The following NKAIN3 variants were observed in gnomAD, a reference collection of about 807,000 sequenced individuals.
NKAIN3 encodes sodium/potassium-transporting ATPase subunit beta-1-interacting protein 3.
Under a neutral mutation model 30.2 loss-of-function variants are expected in NKAIN3, and 25 were observed. The ratio of observed to expected loss-of-function variants is 0.83; its 90% confidence interval spans 0.60 to 1.16. The LOEUF (loss-of-function observed/expected upper bound fraction) is 1.16, where lower values mean the gene tolerates loss of function less well. Ranked by LOEUF, NKAIN3 falls within the 50% of genes most tolerant of loss-of-function variation. The probability of loss-of-function intolerance (pLI) is 0.00; values close to 1 mark genes in which losing one functional copy is unlikely to be tolerated. For synonymous variants in NKAIN3, 91 were observed against 89.6 expected (o/e 1.02, Z -0.09); for missense variants, 225 against 254.1 (o/e 0.89, Z 0.78).
chr8:62,632,287 T>C (rs961907529), intron 3 of NKAIN3, among the ~76,000 whole-genome samples: 11 of 152,170 alleles, frequency 7.2e-5, no homozygotes, highest in Non-Finnish European at 1.3e-4. Flanking sequence ...AATTTTTGTG[T>C]CTTCAAAAAT....
intron 1 of NKAIN3, among the ~76,000 whole-genome samples, chr8:62,541,026 C>G (rs1808821309): frequency 6.6e-6 from 1 of 151,872 alleles, no homozygotes; most frequent in Non-Finnish European, 1.5e-5. Context: ...AAGTCCAGAG[C>G]CAACCAGGCT....
intron 6 of NKAIN3, among the ~76,000 whole-genome samples, chr8:62,964,537 A>AGAGAGT (rs1386858813): frequency 0.029 from 3,805 of 133,152 alleles, 70 homozygotes; most frequent in Admixed American, 0.042. Flanking sequence ...AGAGAGAGAG[A>AGAGAGT]GTGTGTGTGT....
In NKAIN3 at chr8:62,886,115, A is replaced by G. The variant is rs1027969042; in HGVS notation, c.472-32338A>G. On this transcript the variant is annotated intron_variant, in intron 4 of 6. Coordinates refer to ENST00000623646, the MANE Select transcript of NKAIN3 (RefSeq NM_001304533.3). ...TTGTGGTTTTAATTGAGCATTTTATATAAGTTTATTCTCCTTTCTTATCAG... is the reference window on the plus strand; with the variant it reads ...TTGTGGTTTTAATTGAGCATTTTATGTAAGTTTATTCTCCTTTCTTATCAG... Among the ~76,000 whole-genome samples, 16 of 151,554 alleles carry G rather than the reference A, an allele frequency of 1.1e-4. No homozygotes were observed. The East Asian group carries it at 2.3e-3, about 22-fold the overall frequency.
chr8:62,529,227 T>C (rs1808411641), intron 1 of NKAIN3, among the ~76,000 whole-genome samples: 1 of 152,212 alleles, frequency 6.6e-6, no homozygotes, highest in African/African-American at 2.4e-5. Flanking sequence ...TCTTGCAGGA[T>C]AACTTGACAT....
At chr8:62,774,069 C>T (rs1817104726) in intron 4 of NKAIN3, among the ~76,000 whole-genome samples, 2 of 152,080 alleles carry the variant, frequency 1.3e-5, no homozygotes, top group Admixed American at 6.6e-5. Context: ...TTTTCTGTGT[C>T]TTAAATTTTA....
chr8:62,451,061 A>T (rs1366417065), intron 1 of NKAIN3, among the ~76,000 whole-genome samples: 1 of 152,162 alleles, frequency 6.6e-6, no homozygotes, highest in Non-Finnish European at 1.5e-5. Flanking sequence ...GAATAGATCT[A>T]TAATTATCTT....
In NKAIN3 at chr8:62,967,979, T is replaced by C. The variant is rs1420345435; in HGVS notation, c.*2572T>C. On this transcript the variant is annotated 3_prime_UTR_variant, in exon 7 of 7. Transcript: ENST00000623646. ...ACCTTAGTGATTTGTCTATGAATAT[T>C]CAATGTAGGCAACTATTTAATATGG... Among the ~76,000 whole-genome samples, 2 of 152,230 alleles carry C rather than the reference T, an allele frequency of 1.3e-5. No homozygotes were observed. The highest frequency in any genetic ancestry group is 4.8e-5 in the African/African-American group (2 of 41,464).
At chr8:62,397,750 G>A (rs568786157) in intron 1 of NKAIN3, among the ~76,000 whole-genome samples, 5 of 152,228 alleles carry the variant, frequency 3.3e-5, no homozygotes, top group African/African-American at 1.2e-4. Context: ...TCGGCGCTAC[G>A]GCATCTGCCA....
At chr8:62,582,030 T>C (rs1810317071) in intron 2 of NKAIN3, among the ~76,000 whole-genome samples, 1 of 140,754 alleles carries the variant, frequency 7.1e-6, no homozygotes. Context: ...CCTTCCTCCC[T>C]CCCACCCATC....
At chr8:62,493,645 T>A (rs947100246) in intron 1 of NKAIN3, among the ~76,000 whole-genome samples, 1 of 152,340 alleles carries the variant, frequency 6.6e-6, no homozygotes, top group Middle Eastern at 3.4e-3. Flanking sequence ...TGATTCTTCC[T>A]ATCCATGAGC....
intron 1 of NKAIN3, among the ~76,000 whole-genome samples, chr8:62,557,664 T>C (rs967155257): frequency 1.2e-4 from 19 of 152,180 alleles, no homozygotes; most frequent in African/African-American, 3.4e-4. Flanking sequence ...ATTAGTGATG[T>C]TGAGCAGTTT....
At chr8:62,704,018 A>G (rs1048835074) in intron 3 of NKAIN3, among the ~76,000 whole-genome samples, 1 of 152,162 alleles carries the variant, frequency 6.6e-6, no homozygotes, top group Non-Finnish European at 1.5e-5. Flanking sequence ...TGGTTACTCC[A>G]TAGACTCTTT....
chr8:62,831,368 A>G (rs1416123218), intron 4 of NKAIN3, among the ~76,000 whole-genome samples: 1 of 152,222 alleles, frequency 6.6e-6, no homozygotes, highest in South Asian at 2.1e-4. Context: ...CTAGCTCTCC[A>G]GAAATCCTCC....
chr8:62,714,681 A>G (rs1814832647), intron 3 of NKAIN3, among the ~76,000 whole-genome samples: 1 of 152,210 alleles, frequency 6.6e-6, no homozygotes, highest in South Asian at 2.1e-4. Context: ...TAAGTGTTTC[A>G]TGTGTATTAT....
intron 6 of NKAIN3, among the ~76,000 whole-genome samples, chr8:62,959,062 G>A (rs1033521646): frequency 3.3e-5 from 5 of 152,178 alleles, no homozygotes; most frequent in Non-Finnish European, 5.9e-5. Context: ...ATCTTAACTT[G>A]TCTGATTGCC....
chr8:62,713,196 T>C (rs2130498437), intron 3 of NKAIN3, among the ~76,000 whole-genome samples: 1 of 152,158 alleles, frequency 6.6e-6, no homozygotes, highest in Non-Finnish European at 1.5e-5. Flanking sequence ...AGTGCAGGGC[T>C]GCCACCAGGG....
intron 1 of NKAIN3, among the ~76,000 whole-genome samples, chr8:62,567,459 A>G (rs1442083825): frequency 6.6e-6 from 1 of 152,202 alleles, no homozygotes; most frequent in Admixed American, 6.6e-5. Flanking sequence ...ATTTTACTTT[A>G]CATGGCAAAG....
rs1563507916 is a variant in NKAIN3, at chr8:62,667,342, ATTCTT to A, written c.273+77550_273+77554del. On this transcript the variant is annotated intron_variant, in intron 3 of 6. Transcript: ENST00000623646. ...ATATATATATATTCTTTATATATAT[ATTCTT>A]TATATATATATCTGTATATATATAT... Among the ~76,000 whole-genome samples, 148 of 131,066 alleles carry A rather than the reference ATTCTT, an allele frequency of 1.1e-3. 3 individuals carry two copies. The highest frequency in any genetic ancestry group is 5.1e-3 in the African/African-American group (142 of 27,816). 86.0% of individuals were successfully genotyped at this position (131,066 alleles called of 152,430 possible). A position where few individuals can be genotyped will look rare whatever the true frequency, so the allele number is the denominator to read the frequency against.
intron 1 of NKAIN3, among the ~76,000 whole-genome samples, chr8:62,281,741 A>T (rs1813201961): frequency 6.6e-6 from 1 of 152,112 alleles, no homozygotes; most frequent in Non-Finnish European, 1.5e-5. Flanking sequence ...AGATATATTA[A>T]GCATGTATTT....
Sources: gnomAD v4.1 joint callset for allele counts (sites outside exome capture counted in the v4.1 genomes callset) on GRCh38, gnomAD v4.1.1 for gene constraint, MANE v1.5 for transcripts, NCBI Gene and HGNC (gene_info 2026-07-23, HGNC 2026-07-21) for gene names.